The following PMFBP1 variants were observed in gnomAD, a reference collection of about 807,000 sequenced individuals.
PMFBP1 encodes polyamine-modulated factor 1-binding protein 1.
A neutral mutation model predicts 137.8 loss-of-function variants in PMFBP1; 131 were observed. That is an observed-to-expected ratio of 0.95 (90% CI 0.82 to 1.10). The LOEUF is 1.10. PMFBP1 is among the 50% of genes least tolerant of loss of function. The probability of loss-of-function intolerance (pLI) is 0.00; values close to 1 mark genes in which losing one functional copy is unlikely to be tolerated. For synonymous variants in PMFBP1, 490 were observed against 450.4 expected (o/e 1.09, Z -1.11); for missense variants, 1,199 against 1,175.4 (o/e 1.02, Z -0.29).
chr16:72,220,762 C>T, the PMFBP1 span, among the ~76,000 whole-genome samples: 1 of 152,132 alleles, frequency 6.6e-6, no homozygotes, highest in African/African-American at 2.4e-5. Context: ...GGATCTGGTG[C>T]CCTAGGCTCT....
Position 72,161,826 on chromosome 16 carries a change from AT to A in PMFBP1, c.165+2937del, listed in dbSNP as rs536357875. On this transcript the variant is annotated intron_variant, in intron 3 of 20. Coordinates refer to ENST00000237353, the MANE Select transcript of PMFBP1 (RefSeq NM_031293.3). Reference sequence around the variant, plus strand: ...TTGCATTTAGAAGATTCAGTGAAATATTTTTTTTCATTCCCAATGATTCAAA... The same window carrying A: ...TTGCATTTAGAAGATTCAGTGAAATATTTTTTTCATTCCCAATGATTCAAA... 8.5e-5 allele frequency among the ~76,000 whole-genome samples: 13 copies of A among 152,154 alleles called. No individual in the cohort carries two copies. The South Asian group carries it at 1.9e-3, about 22-fold the overall frequency.
At chr16:72,180,306 C>T (rs2043271712), upstream of PMFBP1, among the ~76,000 whole-genome samples, 1 of 152,184 alleles carries the variant, frequency 6.6e-6, no homozygotes, top group African/African-American at 2.4e-5. Context: ...AAAGCCACAG[C>T]TCTTGTAGAT....
At chr16:72,214,871 A>T in the PMFBP1 span, among the ~76,000 whole-genome samples, 10 of 152,190 alleles carry the variant, frequency 6.6e-5, no homozygotes, top group African/African-American at 1.9e-4. Flanking sequence ...GTTCAAAAAG[A>T]TAATGAAAGG....
the PMFBP1 span, among the ~76,000 whole-genome samples, chr16:72,239,905 A>G: frequency 9.3e-5 from 14 of 150,062 alleles, no homozygotes; most frequent in East Asian, 7.7e-4. Flanking sequence ...AAAAAAGAAA[A>G]AAAAAAAAAA....
chr16:72,211,044 G>A, the PMFBP1 span, among the ~76,000 whole-genome samples: 1 of 152,142 alleles, frequency 6.6e-6, no homozygotes, highest in East Asian at 1.9e-4. Context: ...TCACCTTAGA[G>A]GACAGATTAG....
chr16:72,141,514 A>G (rs2042721983), intron 5 of PMFBP1, among the ~76,000 whole-genome samples: 1 of 152,226 alleles, frequency 6.6e-6, no homozygotes, highest in African/African-American at 2.4e-5. Flanking sequence ...CTATATTTAC[A>G]TAATATAAAT....
chr16:72,222,858 T>C, the PMFBP1 span, among the ~76,000 whole-genome samples: 1 of 152,170 alleles, frequency 6.6e-6, no homozygotes. Context: ...GCAGTTATTA[T>C]TTAAAGGTGA....
chr16:72,130,568 C>G lies in PMFBP1; in HGVS notation c.1602G>C (p.Glu534Asp), dbSNP rs1400176117. ...TTTGTTCCTTCTCAGCCATCGAGGA[C>G]TCCTTCTGCAGCATCTGAAGTTCTC... ...LQRELQMLQK[E>D]SSMAEKEQTS... Residue 534 changes from glutamate (E) to aspartate (D), a missense_variant, in exon 11 of 21, where the codon GAG becomes GAC. Coordinates refer to ENST00000237353, the MANE Select transcript of PMFBP1 (RefSeq NM_031293.3). 1 of 1,614,140 alleles carries G rather than the reference C, an allele frequency of 6.2e-7. No homozygotes were observed. Among genetic ancestry groups the G allele is most frequent in the Admixed American group, 1.7e-5 (1 of 60,024 alleles).
At chr16:72,202,033 G>C in the PMFBP1 span, among the ~76,000 whole-genome samples, 3 of 152,302 alleles carry the variant, frequency 2.0e-5, no homozygotes, top group East Asian at 3.9e-4. Context: ...TCATATTAGA[G>C]AGAAATTACT....
chr16:72,120,011 T>C lies in PMFBP1; in HGVS notation c.2847A>G (p.Lys949=). 1 of 1,614,210 alleles carries C rather than the reference T, an allele frequency of 6.2e-7. No homozygotes were observed. The highest frequency in any genetic ancestry group is 8.5e-7 in the Non-Finnish European group (1 of 1,180,042). Residue 949 remains lysine, a synonymous_variant, in exon 20 of 21, where the codon AAA becomes AAG. Coordinates refer to ENST00000237353, the MANE Select transcript of PMFBP1 (RefSeq NM_031293.3). ...LKKEIEEKKM[K]AENTRLCTKA... is the part of the protein sequence containing the mutation. ...TGGTGCATAGCCTTGTGTTCTCGGC[T>C]TTCATCTTCTTCTCTTCTATCTCCT... is the stretch of plus-strand genomic sequence containing the variant.
the PMFBP1 span, among the ~76,000 whole-genome samples, chr16:72,208,970 G>T: frequency 6.6e-6 from 1 of 152,320 alleles, no homozygotes; most frequent in Admixed American, 6.5e-5. Flanking sequence ...AAAGAGTGAT[G>T]AAATCCTTTT....
chr16:72,168,341 G>T (rs2043175236), intron 2 of PMFBP1, among the ~76,000 whole-genome samples: 1 of 152,172 alleles, frequency 6.6e-6, no homozygotes, highest in South Asian at 2.1e-4. Context: ...AGAAAAGGCT[G>T]TGTTCACCTC....
chr16:72,133,027 T>C (rs2042572740), intron 9 of PMFBP1, 36 bp from the exon 10 acceptor site: 2 of 1,607,950 alleles, frequency 1.2e-6, no homozygotes, highest in African/African-American at 2.7e-5. Context: ...GGGAAAGGTC[T>C]GAGTGGCAGT....
At chr16:72,151,988 G>A (rs2042909070) in intron 4 of PMFBP1, among the ~76,000 whole-genome samples, 2 of 152,102 alleles carry the variant, frequency 1.3e-5, no homozygotes, top group South Asian at 2.1e-4. Flanking sequence ...TTCACTCTGA[G>A]GCATGTTCTA....
chr16:72,246,812 A>G, the PMFBP1 span, among the ~76,000 whole-genome samples: 1 of 152,094 alleles, frequency 6.6e-6, no homozygotes, highest in Non-Finnish European at 1.5e-5. Context: ...AAGGGCATGG[A>G]CCATCTTATT....
chr16:72,215,694 G>A, the PMFBP1 span, among the ~76,000 whole-genome samples: 1 of 152,188 alleles, frequency 6.6e-6, no homozygotes, highest in South Asian at 2.1e-4. Context: ...GGTGAAACAT[G>A]TTGGCTAATT....
chr16:72,243,991 A>C, the PMFBP1 span, among the ~76,000 whole-genome samples: 3 of 152,216 alleles, frequency 2.0e-5, no homozygotes, highest in Non-Finnish European at 4.4e-5. Context: ...TCCAATTTTC[A>C]GTGTTTATAG....
intron 17 of PMFBP1, among the ~76,000 whole-genome samples, chr16:72,124,306 C>T (rs988594760): frequency 4.6e-5 from 7 of 152,292 alleles, no homozygotes; most frequent in South Asian, 4.1e-4. Flanking sequence ...CCACTGTGCC[C>T]GGCCTAAGAT....
the PMFBP1 span, among the ~76,000 whole-genome samples, chr16:72,249,189 A>G: frequency 6.6e-6 from 1 of 152,292 alleles, no homozygotes; most frequent in Non-Finnish European, 1.5e-5. Context: ...GCTTGAAAGT[A>G]GGTGCCTCCA....
Sources: allele counts gnomAD v4.1 joint callset (sites outside exome capture counted in the v4.1 genomes callset), GRCh38; gene constraint gnomAD v4.1.1; transcripts MANE v1.5; gene names NCBI Gene and HGNC (gene_info 2026-07-23, HGNC 2026-07-21).